Variants in NUP133 observed in about 807,000 individuals in gnomAD.
NUP133 encodes the protein nucleoporin 133, also known as nuclear pore complex protein Nup133.
Under a neutral mutation model 146.2 loss-of-function variants are expected in NUP133, and 66 were observed. The observed-to-expected ratio is 0.45, with a 90% confidence interval of 0.37 to 0.55. NUP133 has a LOEUF of 0.55. Ranked by LOEUF, NUP133 falls within the 20% of genes least tolerant of loss-of-function variation. NUP133 has a pLI of 0.00. For missense variants in NUP133, 1,277 were observed against 1,374.8 expected (o/e 0.93, Z 1.12); for synonymous variants, 521 against 498.8 (o/e 1.04, Z -0.59).
At chr1:229,497,841 A>C (rs1412448154) in intron 6 of NUP133, among the ~76,000 whole-genome samples, 1 of 152,222 alleles carries the variant, frequency 6.6e-6, no homozygotes, top group African/African-American at 2.4e-5. Flanking sequence ...GGTTAAATCT[A>C]AAAAGTCAAA....
intron 2 of NUP133, among the ~76,000 whole-genome samples, chr1:229,505,564 TAAAAAAAAAAAAAAAAAA>T (rs56383157): frequency 1.6e-5 from 1 of 63,220 alleles, no homozygotes; most frequent in African/African-American, 5.9e-5. Flanking sequence ...CAATTACAGT[TAAAAAAAAAAAAAAAAAA>T]AAAAAAAAAA....
chr1:229,494,909 C>T (rs1661615519), intron 8 of NUP133, among the ~76,000 whole-genome samples: 1 of 152,176 alleles, frequency 6.6e-6, no homozygotes, highest in Non-Finnish European at 1.5e-5. Flanking sequence ...CATCTCTTGG[C>T]AGTGAAGAAG....
intron 2 of NUP133, among the ~76,000 whole-genome samples, chr1:229,503,446 A>C (rs991792311): frequency 9.2e-5 from 14 of 152,230 alleles, no homozygotes; most frequent in Non-Finnish European, 1.9e-4. Flanking sequence ...AGGAATGATA[A>C]ATTATTTAGT....
At chr1:229,453,647 C>T (rs1660504178) in intron 21 of NUP133, among the ~76,000 whole-genome samples, 1 of 152,194 alleles carries the variant, frequency 6.6e-6, no homozygotes, top group African/African-American at 2.4e-5. Context: ...ATACTGTTAA[C>T]ACTTCAGCAA....
At position 229,485,202 on chromosome 1, in the gene NUP133, C is replaced by A. The variant is rs150438521; in HGVS notation, c.1501-1057G>T. Among the ~76,000 whole-genome samples the A allele has an allele frequency of 5.0e-3, 767 of 152,258 alleles. 5 individuals are homozygous for A. The highest frequency in any genetic ancestry group is 0.014 in the Middle Eastern group (4 of 294). On this transcript the variant is annotated intron_variant, in intron 11 of 25. Transcript: ENST00000261396. ...AAGCTCCTTGGAAATATCTGTGATA[C>A]TAACTACAACAAAGGAAGATAGAAA...
chr1:229,482,411 C>T (rs1199378560), intron 12 of NUP133, among the ~76,000 whole-genome samples: 2 of 152,082 alleles, frequency 1.3e-5, no homozygotes, highest in East Asian at 3.9e-4. Context: ...ACTCCCACCC[C>T]ACTCAATACT....
At chr1:229,480,525 G>C (rs187109879) in intron 12 of NUP133, among the ~76,000 whole-genome samples, 7 of 152,260 alleles carry the variant, frequency 4.6e-5, no homozygotes, top group Admixed American at 4.6e-4. Context: ...CAATTTCAAA[G>C]AAATGATGCT....
intron 11 of NUP133, among the ~76,000 whole-genome samples, chr1:229,485,673 G>A (rs1261666703): frequency 1.3e-5 from 2 of 152,136 alleles, no homozygotes; most frequent in African/African-American, 2.4e-5. Context: ...AGATGCATCA[G>A]GAGACAGGAA....
At chr1:229,507,801 G>T in intron 1 of NUP133, 1 of 490,514 alleles carries the variant, frequency 2.0e-6, no homozygotes. Context: ...TAGGTGGGAA[G>T]TAGGTAAACA....
chr1:229,465,294 C>T (rs1660787252), intron 17 of NUP133, 126 bp downstream of exon 17: 1 of 719,302 alleles, frequency 1.4e-6, no homozygotes, highest in South Asian at 1.7e-5. Context: ...ACAAGAGCTG[C>T]TCATTTTGGA....
rs1226876755 is a variant in NUP133, at chr1:229,448,962, T to C, written c.3245+164A>G. The C allele has an allele frequency of 4.7e-6, 3 of 632,354 alleles. No homozygotes were observed. The African/African-American group carries it at 5.5e-5, about 12-fold the overall frequency. 39.2% of individuals were successfully genotyped at this position (632,354 alleles called of 1,614,324 possible). A position where few individuals can be genotyped will look rare whatever the true frequency, so the allele number is the denominator to read the frequency against. The stretch of plus-strand genomic sequence containing the variant: ...AGGACTGAACTAAATTAAAGGACAT[T>C]CAGCTGGTGCCCACCAACAGAACTC... On this transcript the variant is annotated intron_variant, in intron 24 of 25. Coordinates refer to ENST00000261396, the MANE Select transcript of NUP133 (RefSeq NM_018230.3).
intron 25 of NUP133, among the ~76,000 whole-genome samples, chr1:229,442,617 A>C (rs1660208679): frequency 6.6e-6 from 1 of 152,150 alleles, no homozygotes; most frequent in African/African-American, 2.4e-5. Flanking sequence ...TAATAAGCCA[A>C]TAATATTTTT....
intron 25 of NUP133, among the ~76,000 whole-genome samples, chr1:229,444,434 A>T (rs1180883456): frequency 1.3e-5 from 2 of 152,228 alleles, no homozygotes; most frequent in Non-Finnish European, 2.9e-5. Context: ...GAATAACAAA[A>T]ACTGCAAAGC....
At chr1:229,486,116 A>G (rs1252552343) in intron 11 of NUP133, among the ~76,000 whole-genome samples, 1 of 152,104 alleles carries the variant, frequency 6.6e-6, no homozygotes. Context: ...GCAGTGAGCT[A>G]TGATTATGCC....
intron 13 of NUP133, 101 bp downstream of exon 13, chr1:229,477,496 A>T: frequency 1.2e-6 from 1 of 863,318 alleles, no homozygotes; most frequent in East Asian, 2.9e-5. Flanking sequence ...AATTAATATT[A>T]AATTGTTTGA....
chr1:229,487,353 C>T, intron 10 of NUP133, 113 bp downstream of exon 10: 2 of 1,066,518 alleles, frequency 1.9e-6, no homozygotes, highest in Non-Finnish European at 2.7e-6. Flanking sequence ...TATGAAATGT[C>T]TCAGAAACAT....
intron 24 of NUP133, 98 bp from the exon 25 acceptor site, chr1:229,445,100 G>A: frequency 1.2e-6 from 1 of 860,778 alleles, no homozygotes; most frequent in South Asian, 1.6e-5. Context: ...ATGGCTGTGG[G>A]GGATGGAGAA....
chr1:229,477,830 T>A, intron 12 of NUP133, 70 bp from the exon 13 acceptor site: 1 of 1,232,548 alleles, frequency 8.1e-7, no homozygotes, highest in Non-Finnish European at 1.1e-6. Flanking sequence ...AAGAAAAAAT[T>A]AATTATGGAC....
chr1:229,466,590 G>A, intron 16 of NUP133, 44 bp downstream of exon 16: 1 of 1,609,520 alleles, frequency 6.2e-7, no homozygotes, highest in Non-Finnish European at 8.5e-7. Context: ...GTCTATCCAT[G>A]CCCTGGGCTT....
Sources: allele counts gnomAD v4.1 joint callset (sites outside exome capture counted in the v4.1 genomes callset), GRCh38; gene constraint gnomAD v4.1.1; transcripts MANE v1.5; gene names NCBI Gene and HGNC (gene_info 2026-07-23, HGNC 2026-07-21).